Variants in WDR36 observed in about 807,000 individuals in gnomAD.
WDR36 encodes the protein WD repeat-containing protein 36.
In WDR36, 63 loss-of-function variants were observed where a neutral mutation model predicts 112.7. The ratio of observed to expected loss-of-function variants is 0.56; its 90% CI spans 0.46 to 0.69. The LOEUF (loss-of-function observed/expected upper bound fraction) is 0.69, where lower values mean the gene tolerates loss of function less well. WDR36 is among the 30% of genes least tolerant of loss of function. The pLI is 0.00. For missense variants in WDR36, 1,226 were observed against 1,070.3 expected (o/e 1.15, Z -2.03); for synonymous variants, 410 against 362.2 (o/e 1.13, Z -1.50).
rs1753760569 is a variant in WDR36, at chr5:111,130,057, C to T, written c.*3174C>T. 1 of 211,636 alleles carries T rather than the reference C, an allele frequency of 4.7e-6. No individual in the cohort carries two copies. The highest frequency in any genetic ancestry group is 9.6e-6 in the Non-Finnish European group (1 of 104,400). The allele number at this position is 211,636 out of a possible 1,614,324, so 13.1% of individuals were successfully genotyped here. ...GTATGTTCTCAGATTTGGGTAAAGC[C>T]TTCCTCATGTTCTATAAAAATTGGT... On this transcript the variant is annotated 3_prime_UTR_variant, in exon 23 of 23. Coordinates refer to ENST00000513710, the MANE Select transcript of WDR36 (RefSeq NM_139281.3).
At chr5:111,104,382 G>A in intron 8 of WDR36, 30 bp downstream of exon 8, 3 of 1,611,004 alleles carry the variant, frequency 1.9e-6, no homozygotes, top group Non-Finnish European at 2.5e-6. Flanking sequence ...CATCTTCCTG[G>A]CTCATCTAAC....
At position 111,104,251 on chromosome 5, in the gene WDR36, A is replaced by T; in HGVS notation, c.805A>T (p.Ile269Phe). The change falls in exon 8 of 23, where the codon ATC (isoleucine) becomes TTC (phenylalanine). Residue 269 changes from isoleucine to phenylalanine, a missense_variant. Coordinates refer to ENST00000513710, the MANE Select transcript of WDR36 (RefSeq NM_139281.3). ...CTGGGATCTAGAAGACAAAAAATTAATCAACCAAATGAGAAATGCACACTC... is the reference window on the plus strand; with the variant it reads ...CTGGGATCTAGAAGACAAAAAATTATTCAACCAAATGAGAAATGCACACTC... The part of the protein sequence containing the change: ...GLWDLEDKKL[I>F]NQMRNAHSTA... 3 of 1,612,078 alleles carry T rather than the reference A, an allele frequency of 1.9e-6. No individual in the cohort carries two copies. Among genetic ancestry groups the T allele is most frequent in the Non-Finnish European group, 2.5e-6 (3 of 1,178,592 alleles).
At chr5:111,100,844 TA>T in intron 5 of WDR36, 123 bp downstream of exon 5, 1 of 971,622 alleles carries the variant, frequency 1.0e-6, no homozygotes, top group Non-Finnish European at 1.5e-6. Context: ...TGTCTATAAA[TA>T]ACAGTTGGTC....
chr5:111,101,139 A>G (rs1047712493), intron 5 of WDR36, among the ~76,000 whole-genome samples: 2 of 151,862 alleles, frequency 1.3e-5, no homozygotes, highest in South Asian at 2.1e-4. Context: ...CCTGGAACCA[A>G]TCCCCCACAG....
Position 111,113,169 on chromosome 5 carries a change from T to G in WDR36, c.1796+16T>G. On this transcript the variant is annotated intron_variant, in intron 16 of 22. Coordinates refer to ENST00000513710, the MANE Select transcript of WDR36 (RefSeq NM_139281.3). ...CTTCTGGGTGGTAAGTTTATATTTC[T>G]AATTCCCTAACCTCTATAAGATTTC... The G allele has an allele frequency of 2.0e-6, 3 of 1,473,518 alleles. No individual in the cohort carries two copies. The highest frequency in any genetic ancestry group is 1.8e-4 in the Middle Eastern group (1 of 5,712). 91.3% of individuals were successfully genotyped at this position (1,473,518 alleles called of 1,614,324 possible).
chr5:111,094,120 G>T (rs1171490211), intron 1 of WDR36, among the ~76,000 whole-genome samples: 1 of 152,210 alleles, frequency 6.6e-6, no homozygotes, highest in Non-Finnish European at 1.5e-5. Flanking sequence ...GCTGTCCCCA[G>T]TCAGACTTCC....
intron 9 of WDR36, 96 bp downstream of exon 9, chr5:111,104,913 A>T: frequency 6.4e-7 from 1 of 1,570,880 alleles, no homozygotes; most frequent in East Asian, 2.2e-5. Context: ...TTAGATTCAC[A>T]TATCTCTTTG....
intron 20 of WDR36, 65 bp downstream of exon 20, chr5:111,123,989 T>C (rs1362695301): frequency 3.1e-6 from 5 of 1,609,608 alleles, no homozygotes; most frequent in Non-Finnish European, 4.2e-6. Flanking sequence ...TCTGCACTTC[T>C]TTACCAAGAC....
chr5:111,095,050 G>A (rs1752946858), intron 2 of WDR36, 103 bp downstream of exon 2: 1 of 1,074,392 alleles, frequency 9.3e-7, no homozygotes, highest in South Asian at 1.5e-5. Context: ...AAGGTAACAT[G>A]TATGTCTTAT....
At chr5:111,110,756 A>ATTTTTTT (rs34323614) in intron 13 of WDR36, 32 bp from the exon 14 acceptor site, 11 of 1,518,052 alleles carry the variant, frequency 7.2e-6, no homozygotes, top group Non-Finnish European at 9.0e-6. Context: ...GCCAATTCTG[A>ATTTTTTT]TTTTTTTTTT....
rs891162784 is a variant in WDR36, at chr5:111,130,169, G to A, written c.*3286G>A. 3 of 207,836 alleles carry A rather than the reference G, an allele frequency of 1.4e-5. No individual in the cohort carries two copies. The highest frequency in any genetic ancestry group is 6.8e-5 in the African/African-American group (3 of 43,832). The allele number at this position is 207,836 out of a possible 1,614,324, so 12.9% of individuals were successfully genotyped here. On this transcript the variant is annotated 3_prime_UTR_variant, in exon 23 of 23. Coordinates refer to ENST00000513710, the MANE Select transcript of WDR36 (RefSeq NM_139281.3). Reference sequence around the variant, plus strand: ...GATTTGGAGAGACCGACAATACCGAGTGCAGTCCTCCCTTGGTATCTAGTT... The same window carrying A: ...GATTTGGAGAGACCGACAATACCGAATGCAGTCCTCCCTTGGTATCTAGTT...
intron 19 of WDR36, among the ~76,000 whole-genome samples, chr5:111,122,206 G>A (rs1465064323): frequency 6.6e-6 from 1 of 152,152 alleles, no homozygotes. Flanking sequence ...TTATGAAATA[G>A]TTCAAATGCA....
Position 111,125,994 on chromosome 5 carries a change from A to G in WDR36, c.2538+199A>G, listed in dbSNP as rs112196771. On this transcript the variant is annotated intron_variant, in intron 22 of 22. Coordinates refer to ENST00000513710, the MANE Select transcript of WDR36 (RefSeq NM_139281.3). The stretch of plus-strand genomic sequence containing the variant: ...GGATTTTTAATTTTATAGAATTTTA[A>G]TTAATTTAAATTTAAATAACCGCAT... 0.032 allele frequency among the ~76,000 whole-genome samples: 4,870 copies of G among 152,270 alleles called. 262 individuals are homozygous for G. The highest frequency in any genetic ancestry group is 0.11 in the African/African-American group (4,668 of 41,534).
chr5:111,127,256 G>C lies in WDR36; in HGVS notation c.*373G>C. The C allele has an allele frequency of 4.5e-6, 1 of 219,888 alleles. No homozygotes were observed. The highest frequency in any genetic ancestry group is 7.0e-5 in the East Asian group (1 of 14,346). The allele number at this position is 219,888 out of a possible 1,614,324, so 13.6% of individuals were successfully genotyped here. A position where few individuals can be genotyped will look rare whatever the true frequency, so the allele number is the denominator to read the frequency against. On this transcript the variant is annotated 3_prime_UTR_variant, in exon 23 of 23. Transcript: ENST00000513710. The stretch of plus-strand genomic sequence containing the variant: ...TCTGCTCAAATGATTTATTTTCTGA[G>C]TCTCTTCACATTAACTTTTATATGA...
In WDR36 at chr5:111,115,930, C is replaced by T. The variant is rs1366260362; in HGVS notation, c.1796+2777C>T. ...GGTTGTTTTTGATCTAATAGAAATTCAGATTGAATTCTTTCTTATTTTTTT... is the reference window on the plus strand; with the variant it reads ...GGTTGTTTTTGATCTAATAGAAATTTAGATTGAATTCTTTCTTATTTTTTT... On this transcript the variant is annotated intron_variant, in intron 16 of 22. Transcript: ENST00000513710. 3.9e-5 allele frequency among the ~76,000 whole-genome samples: 6 copies of T among 152,082 alleles called. No individual in the cohort carries two copies. In the East Asian group the frequency reaches 9.7e-4, roughly 24 times the overall value.
At chr5:111,099,441 G>GTTTTTTTTTTTTTTTTT (rs1234302447) in intron 4 of WDR36, among the ~76,000 whole-genome samples, 4 of 98,204 alleles carry the variant, frequency 4.1e-5, no homozygotes, top group South Asian at 2.8e-4. Flanking sequence ...TTGCCTCTTG[G>GTTTTTTTTTTTTTTTTT]TTTTTTTTTG....
Position 111,121,161 on chromosome 5 carries a change from A to G in WDR36, c.2148+20A>G, listed in dbSNP as rs1753559125. 1.9e-6 allele frequency: 3 copies of G among 1,612,840 alleles called. No individual in the cohort carries two copies. The highest frequency in any genetic ancestry group is 1.7e-5 in the Admixed American group (1 of 59,986). On this transcript the variant is annotated intron_variant, in intron 19 of 22. Transcript: ENST00000513710. ...ATTAAGGTAATAATTAACATTCTTT[A>G]TAGACCCTAAGCATGCATCCAGAAG...
intron 15 of WDR36, among the ~76,000 whole-genome samples, chr5:111,112,028 T>C (rs936119023): frequency 2.6e-5 from 4 of 151,704 alleles, no homozygotes; most frequent in African/African-American, 9.7e-5. Context: ...CCTTCAAAAT[T>C]GAAGAAAAAA....
At chr5:111,104,086 CTT>C in intron 7 of WDR36, 89 bp from the exon 8 acceptor site, 2 of 1,425,774 alleles carry the variant, frequency 1.4e-6, no homozygotes, top group Non-Finnish European at 1.9e-6. Flanking sequence ...TTTTTTCTAA[CTT>C]TATGGATTAA....
Sources: allele counts gnomAD v4.1 joint callset (sites outside exome capture counted in the v4.1 genomes callset), GRCh38; gene constraint gnomAD v4.1.1; transcripts MANE v1.5; gene names NCBI Gene and HGNC (gene_info 2026-07-23, HGNC 2026-07-21).